Variants in NAV1 observed in about 807,000 individuals in gnomAD.
The protein encoded by NAV1 is pore membrane and/or filament interacting like protein 3.
A neutral mutation model predicts 175.2 loss-of-function variants in NAV1; 18 were observed. The observed-to-expected ratio is 0.10, with a 90% CI of 0.07 to 0.15. The LOEUF (loss-of-function observed/expected upper bound fraction) is 0.15. NAV1 is among the 10% of genes least tolerant of loss of function. NAV1 has a pLI of 1.00. For missense variants in NAV1, 1,731 were observed against 2,436.6 expected (o/e 0.71, Z 6.10); for synonymous variants, 897 against 978.7 (o/e 0.92, Z 1.56).
intron 1 of NAV1, among the ~76,000 whole-genome samples, chr1:201,710,028 G>GA (rs989366913): frequency 2.0e-5 from 3 of 152,224 alleles, no homozygotes; most frequent in Admixed American, 1.3e-4. Flanking sequence ...AGAGGTCTTT[G>GA]AGGGAAGAGA....
Position 201,810,031 on chromosome 1 carries a change from G to A in NAV1, c.4487G>A (p.Arg1496Gln). Residue 1496 changes from arginine to glutamine, a missense_variant, in exon 23 of 30, where the codon CGA becomes CAA. Around this residue, in one of 13 missense-constraint regions of NAV1, gnomAD observed 36 missense variants for 45.3 expected, o/e 0.80. Coordinates refer to ENST00000367296, the Ensembl canonical transcript of NAV1. This position sits in a 1 kb window ranked among gnomAD's most constrained non-coding sequence, Gnocchi z 6.0. The stretch of plus-strand genomic sequence containing the variant: ...GGCTACAGCATCAGCCACGTGAAAC[G>A]AGTGTTGGATGCAGAGCCCCCCGAG... 1 of 1,613,942 alleles carries A rather than the reference G, an allele frequency of 6.2e-7. No homozygotes were observed. The highest frequency in any genetic ancestry group is 8.5e-7 in the Non-Finnish European group (1 of 1,179,984).
At chr1:201,623,586 G>A (rs2102280801) in exon 1 of NAV1, 3 of 986,732 alleles carry the variant, frequency 3.0e-6, no homozygotes, top group Non-Finnish European at 3.6e-6. Flanking sequence ...TCACAGCCAC[G>A]GTGGCCCCCT....
chr1:201,600,193 C>T (rs1036389647), intron 2 of NAV1, among the ~76,000 whole-genome samples: 3 of 152,208 alleles, frequency 2.0e-5, no homozygotes, highest in African/African-American at 7.2e-5. Flanking sequence ...AGAAAAGCCC[C>T]AAAGGAGAGA....
chr1:201,545,050 G>C (rs1257560656), intron 1 of NAV1, among the ~76,000 whole-genome samples: 1 of 152,196 alleles, frequency 6.6e-6, no homozygotes, highest in African/African-American at 2.4e-5. Context: ...GCTACACTCT[G>C]TGTGACCTTG....
At chr1:201,705,388 C>T (rs1671626999) in intron 1 of NAV1, among the ~76,000 whole-genome samples, 2 of 152,190 alleles carry the variant, frequency 1.3e-5, no homozygotes, top group Admixed American at 1.3e-4. Flanking sequence ...ACACATTAGT[C>T]CTTTAGTCCT....
At chr1:201,551,245 T>A (rs1397994252) in intron 1 of NAV1, among the ~76,000 whole-genome samples, 1 of 152,116 alleles carries the variant, frequency 6.6e-6, no homozygotes, top group Non-Finnish European at 1.5e-5. Flanking sequence ...TTTTTTTTTC[T>A]TGAGAAAGGG....
intron 2 of NAV1, among the ~76,000 whole-genome samples, chr1:201,591,770 C>T (rs1048057774): frequency 1.4e-4 from 21 of 152,110 alleles, no homozygotes; most frequent in Admixed American, 7.2e-4. Flanking sequence ...CTCTTCTGTG[C>T]CCCCCAAGAG....
intron 3 of NAV1, among the ~76,000 whole-genome samples, 172 bp from the exon 8 acceptor site, chr1:201,780,249 G>A (rs951489880): frequency 6.6e-6 from 1 of 152,146 alleles, no homozygotes; most frequent in Non-Finnish European, 1.5e-5. Context: ...AAATTACAAG[G>A]AAGTTTAAGT....
Position 201,583,304 on chromosome 1 carries a change from G to T in NAV1, c.-143-5235G>T, listed in dbSNP as rs530884986. On this transcript the variant is annotated intron_variant, in intron 1 of 33. Transcript: ENST00000685211. ...CAGCAGGGGCAAGGCCCCATCCAGG[G>T]CTCATCAGGCCCTGTACCCCAGCTG... Among the ~76,000 whole-genome samples the T allele has an allele frequency of 1.4e-3, 206 of 152,376 alleles. 2 individuals are homozygous for T. Among genetic ancestry groups the T allele is most frequent in the African/African-American group, 4.8e-3 (199 of 41,600 alleles).
intron 1 of NAV1, among the ~76,000 whole-genome samples, chr1:201,668,643 C>T (rs1306382787): frequency 6.6e-6 from 1 of 152,152 alleles, no homozygotes; most frequent in African/African-American, 2.4e-5. Flanking sequence ...CCCCCCACCC[C>T]ACTGCTTGGA....
chr1:201,684,835 C>T lies in NAV1; in HGVS notation c.758-27982C>T, dbSNP rs1351960820. Among the ~76,000 whole-genome samples, 3 of 151,416 alleles carry T rather than the reference C, an allele frequency of 2.0e-5. No homozygotes were observed. In the South Asian group the frequency reaches 6.3e-4, roughly 32 times the overall value. Reference sequence around the variant, plus strand: ...AAAATTAGCTGGGTGTGGTGGCGAGCGCCTGTAATCCCAGCTACTCGAGAG... The same window carrying T: ...AAAATTAGCTGGGTGTGGTGGCGAGTGCCTGTAATCCCAGCTACTCGAGAG... On this transcript the variant is annotated intron_variant, in intron 1 of 29. Coordinates refer to ENST00000367296, the Ensembl canonical transcript of NAV1.
intron 1 of NAV1, among the ~76,000 whole-genome samples, chr1:201,584,611 G>A (rs1666972299): frequency 1.3e-5 from 2 of 152,194 alleles, no homozygotes; most frequent in Non-Finnish European, 2.9e-5. Flanking sequence ...AGCTTGTGAT[G>A]TGCCTGTGTC....
At chr1:201,609,702 C>G (rs1024361449) in intron 2 of NAV1, among the ~76,000 whole-genome samples, 2 of 152,314 alleles carry the variant, frequency 1.3e-5, no homozygotes, top group Non-Finnish European at 2.9e-5. Context: ...GCTCAAGTTT[C>G]TGTGTCTGCA....
intron 2 of NAV1, among the ~76,000 whole-genome samples, chr1:201,613,826 C>T (rs1031840413): frequency 1.3e-5 from 2 of 152,166 alleles, no homozygotes; most frequent in African/African-American, 4.8e-5. Flanking sequence ...CACGCCACTG[C>T]ACTCCAGCCT....
intron 1 of NAV1, among the ~76,000 whole-genome samples, chr1:201,569,195 G>A (rs2102169079): frequency 6.6e-6 from 1 of 152,232 alleles, no homozygotes; most frequent in South Asian, 2.1e-4. Flanking sequence ...CCCTCCAGAG[G>A]TGCTCAGGCC....
At chr1:201,597,705 C>T (rs1404057599) in intron 2 of NAV1, among the ~76,000 whole-genome samples, 7 of 152,228 alleles carry the variant, frequency 4.6e-5, no homozygotes, top group African/African-American at 1.7e-4. Flanking sequence ...CCTCACACTC[C>T]TGCGGAAGCT....
At position 201,611,198 on chromosome 1, in the gene NAV1, C is replaced by CT. The variant is rs553196959; in HGVS notation, c.-32-11654dup. ...ATCCTTGTCTTTCTCTTGACACAGA[C>CT]TGGGGTGATTGCATTCTCTGCCAAG... On this transcript the variant is annotated intron_variant, in intron 2 of 33. Coordinates refer to the NAV1 transcript ENST00000685211. Among the ~76,000 whole-genome samples the CT allele has an allele frequency of 9.2e-5, 14 of 152,344 alleles. No homozygotes were observed. The South Asian group carries it at 2.9e-3, about 32-fold the overall frequency.
At chr1:201,806,045 C>T (rs1019882200) in intron 17 of NAV1, among the ~76,000 whole-genome samples, 2 of 150,022 alleles carry the variant, frequency 1.3e-5, no homozygotes, top group Admixed American at 6.7e-5. Flanking sequence ...AATGCAGTGA[C>T]GCGATCTTGG....
intron 1 of NAV1, among the ~76,000 whole-genome samples, chr1:201,545,085 ACT>A (rs1239953044): frequency 1.3e-5 from 2 of 151,992 alleles, no homozygotes; most frequent in Non-Finnish European, 2.9e-5. Context: ...TCTCTTAGAG[ACT>A]CTGTTTCTTC....
Sources: allele counts gnomAD v4.1 joint callset (sites outside exome capture counted in the v4.1 genomes callset), GRCh38; gene constraint gnomAD v4.1.1; regional missense constraint gnomAD v4.1.1; non-coding constraint Gnocchi (gnomAD v3.1); transcripts MANE v1.5; gene names NCBI Gene and HGNC (gene_info 2026-07-23, HGNC 2026-07-21).